Variants in NTM observed in about 807,000 individuals in gnomAD.
NTM encodes the protein neurotrimin.
NTM carries 13 observed loss-of-function variants against 42.1 expected under a neutral mutation model. The observed-to-expected ratio is 0.31, with a 90% CI of 0.20 to 0.49. NTM has a LOEUF of 0.49. Ranked by LOEUF, NTM falls within the 20% of genes least tolerant of loss-of-function variation. The probability of loss-of-function intolerance (pLI) is 0.99; values close to 1 mark genes in which losing one functional copy is unlikely to be tolerated. For synonymous variants in NTM, 187 were observed against 179.2 expected (o/e 1.04, Z -0.35); for missense variants, 373 against 452.8 (o/e 0.82, Z 1.60).
At chr11:131,877,131 T>A (rs7927600) in intron 1 of NTM, among the ~76,000 whole-genome samples, 5,726 of 152,326 alleles carry the variant, frequency 0.038, 379 homozygotes, top group African/African-American at 0.13. Flanking sequence ...AGTGCTGGGA[T>A]TGCAGGCGTG....
chr11:131,748,636 G>C (rs1402074072), intron 1 of NTM, among the ~76,000 whole-genome samples: 1 of 152,144 alleles, frequency 6.6e-6, no homozygotes, highest in East Asian at 1.9e-4. Context: ...TATAAGAAGA[G>C]AGCCTCTGAG....
intron 1 of NTM, among the ~76,000 whole-genome samples, chr11:131,631,333 A>C (rs2063637405): frequency 6.6e-6 from 1 of 152,188 alleles, no homozygotes; most frequent in African/African-American, 2.4e-5. Flanking sequence ...AAAGCACCTG[A>C]ACTAAAAAAA....
At chr11:132,153,339 T>C (rs2072406606) in intron 3 of NTM, among the ~76,000 whole-genome samples, 2 of 152,200 alleles carry the variant, frequency 1.3e-5, no homozygotes, top group African/African-American at 2.4e-5. Flanking sequence ...AGACTCCCAT[T>C]CCCATATGAG....
chr11:131,765,804 G>A (rs964682), intron 1 of NTM, among the ~76,000 whole-genome samples: 42,607 of 152,040 alleles, frequency 0.28, 6,480 homozygotes, highest in Admixed American at 0.4. Flanking sequence ...TAAGTAGAGC[G>A]TTTACTTGGG....
chr11:132,020,062 T>C (rs2074091034), intron 2 of NTM, among the ~76,000 whole-genome samples: 1 of 152,102 alleles, frequency 6.6e-6, no homozygotes. Context: ...GTTTAACTCC[T>C]GATTATAAGT....
At chr11:132,053,932 G>A (rs1329644438) in intron 2 of NTM, among the ~76,000 whole-genome samples, 1 of 152,206 alleles carries the variant, frequency 6.6e-6, no homozygotes, top group Non-Finnish European at 1.5e-5. Flanking sequence ...CAATAAAAAA[G>A]TCGCTGGGTG....
At chr11:131,678,718 T>C (rs542206693) in intron 1 of NTM, among the ~76,000 whole-genome samples, 1 of 152,344 alleles carries the variant, frequency 6.6e-6, no homozygotes, top group South Asian at 2.1e-4. Context: ...CTGTTTCTTT[T>C]CCACCTTGGG....
chr11:131,728,522 G>A (rs1237548968), intron 1 of NTM, among the ~76,000 whole-genome samples: 1 of 152,194 alleles, frequency 6.6e-6, no homozygotes, highest in Non-Finnish European at 1.5e-5. Flanking sequence ...GAAGCTCTTT[G>A]AACCTATCTT....
At chr11:131,483,277 G>C (rs1953806186) in intron 1 of NTM, among the ~76,000 whole-genome samples, 1 of 152,156 alleles carries the variant, frequency 6.6e-6, no homozygotes, top group South Asian at 2.1e-4. Flanking sequence ...AAACTGGAGT[G>C]TGTTGAATAT....
intron 1 of NTM, among the ~76,000 whole-genome samples, chr11:131,464,504 G>C (rs1368879569): frequency 1.3e-5 from 2 of 152,024 alleles, no homozygotes; most frequent in African/African-American, 4.8e-5. Context: ...TCCCTAACAG[G>C]ATTCCCACCC....
intron 1 of NTM, among the ~76,000 whole-genome samples, chr11:131,815,604 G>C (rs911502654): frequency 1.3e-5 from 2 of 152,106 alleles, no homozygotes; most frequent in Admixed American, 6.6e-5. Context: ...CAGAGGAAAG[G>C]GGGTGGCTTA....
intron 2 of NTM, among the ~76,000 whole-genome samples, chr11:132,013,686 C>G (rs932641013): frequency 2.6e-5 from 4 of 152,036 alleles, no homozygotes; most frequent in Non-Finnish European, 5.9e-5. Context: ...TTTGTTTAGG[C>G]ATATTTTATG....
chr11:131,816,481 A>G (rs1203150401), intron 1 of NTM, among the ~76,000 whole-genome samples: 2 of 151,944 alleles, frequency 1.3e-5, no homozygotes, highest in Non-Finnish European at 2.9e-5. Context: ...GTTAATAGAG[A>G]TTACAGACGA....
chr11:131,870,397 G>T lies in NTM; in HGVS notation c.83-41167G>T, dbSNP rs539536902. Among the ~76,000 whole-genome samples the T allele has an allele frequency of 1.1e-3, 162 of 152,288 alleles. 1 individual carries two copies. Among genetic ancestry groups the T allele is most frequent in the African/African-American group, 3.8e-3 (159 of 41,568 alleles). ...GTGCAATGCCTAGCAATGGCTCCTG[G>T]TTGAATATTGGGTGCTCTCTGAATG... On this transcript the variant is annotated intron_variant, in intron 1 of 8. Coordinates refer to ENST00000683400, the MANE Select transcript of NTM (RefSeq NM_001352005.2).
At chr11:131,786,541 C>A (rs1330161338) in intron 1 of NTM, among the ~76,000 whole-genome samples, 1 of 152,048 alleles carries the variant, frequency 6.6e-6, no homozygotes, top group Non-Finnish European at 1.5e-5. Context: ...TTACTGAGCA[C>A]CCTCCAAGAT....
chr11:131,678,543 G>T (rs1420749581), intron 1 of NTM, among the ~76,000 whole-genome samples: 1 of 152,196 alleles, frequency 6.6e-6, no homozygotes, highest in Non-Finnish European at 1.5e-5. Context: ...CCAGTGTGGA[G>T]CTGTGAGATG....
intron 3 of NTM, among the ~76,000 whole-genome samples, chr11:132,177,330 T>C (rs903885751): frequency 1.3e-5 from 2 of 152,210 alleles, no homozygotes; most frequent in African/African-American, 4.8e-5. Context: ...TCAGATTCAG[T>C]TGGCCTTACA....
intron 1 of NTM, among the ~76,000 whole-genome samples, chr11:131,715,734 A>G (rs1334928673): frequency 6.6e-6 from 1 of 152,082 alleles, no homozygotes; most frequent in Non-Finnish European, 1.5e-5. Context: ...CTAGAATTTC[A>G]TATATTTGGA....
At chr11:131,683,543 T>C (rs1017452851) in intron 1 of NTM, among the ~76,000 whole-genome samples, 5 of 152,208 alleles carry the variant, frequency 3.3e-5, no homozygotes, top group African/African-American at 1.2e-4. Context: ...TAATTGTGCA[T>C]GATAGGGTGG....
Sources: gnomAD v4.1 joint callset for allele counts (sites outside exome capture counted in the v4.1 genomes callset) on GRCh38, gnomAD v4.1.1 for gene constraint, MANE v1.5 for transcripts, NCBI Gene and HGNC (gene_info 2026-07-23, HGNC 2026-07-21) for gene names.